Variants in TESK2 observed in about 807,000 individuals in gnomAD.
The protein encoded by TESK2 is testis associated actin remodelling kinase 2, also known as dual specificity testis-specific protein kinase 2.
A neutral mutation model predicts 57.1 loss-of-function variants in TESK2; 39 were observed. That is an observed-to-expected ratio of 0.68 (90% CI 0.53 to 0.89). TESK2 has a LOEUF of 0.89. Ranked by LOEUF, TESK2 falls within the 40% of genes least tolerant of loss-of-function variation. The pLI is 0.00. For missense variants in TESK2, 646 were observed against 732.1 expected (o/e 0.88, Z 1.36); for synonymous variants, 249 against 267.9 (o/e 0.93, Z 0.69).
At chr1:45,473,993 C>G (rs1652875348) in intron 1 of TESK2, among the ~76,000 whole-genome samples, 1 of 151,940 alleles carries the variant, frequency 6.6e-6, no homozygotes, top group Non-Finnish European at 1.5e-5. Context: ...GCACGACTAC[C>G]AGACAATAGT....
intron 1 of TESK2, among the ~76,000 whole-genome samples, chr1:45,484,086 A>G (rs1570779823): frequency 7.1e-6 from 1 of 141,188 alleles, no homozygotes; most frequent in Non-Finnish European, 1.5e-5. Flanking sequence ...CAACTGTATC[A>G]TTTCATTTTT....
At chr1:45,479,849 C>T (rs1653145608) in intron 1 of TESK2, among the ~76,000 whole-genome samples, 1 of 117,748 alleles carries the variant, frequency 8.5e-6, no homozygotes. Context: ...GATGGAGTCT[C>T]ACTCTGTTGC....
chr1:45,355,071 G>A (rs1647364078), intron 5 of TESK2, among the ~76,000 whole-genome samples: 1 of 151,734 alleles, frequency 6.6e-6, no homozygotes, highest in African/African-American at 2.4e-5. Flanking sequence ...AGCTACTCAG[G>A]AGACTGAGGC....
chr1:45,391,597 T>C (rs1318631205), intron 3 of TESK2, among the ~76,000 whole-genome samples: 1 of 152,194 alleles, frequency 6.6e-6, no homozygotes, highest in Non-Finnish European at 1.5e-5. Flanking sequence ...ATTTATTAAA[T>C]GGCATGAATG....
intron 2 of TESK2, among the ~76,000 whole-genome samples, chr1:45,443,327 G>A (rs1651516743): frequency 6.6e-6 from 1 of 152,078 alleles, no homozygotes; most frequent in African/African-American, 2.4e-5. Flanking sequence ...CACTTTGGGA[G>A]ACCAAGGCAG....
intron 1 of TESK2, among the ~76,000 whole-genome samples, chr1:45,469,812 A>G (rs1197334202): frequency 6.6e-6 from 1 of 152,154 alleles, no homozygotes; most frequent in Non-Finnish European, 1.5e-5. Context: ...ATCATTCTCT[A>G]TTTTCCATTC....
intron 3 of TESK2, among the ~76,000 whole-genome samples, chr1:45,394,050 T>A (rs1481692034): frequency 6.6e-6 from 1 of 151,880 alleles, no homozygotes; most frequent in Admixed American, 6.6e-5. Context: ...AGGAAGGGGG[T>A]GCTTTCTTAA....
Position 45,473,921 on chromosome 1 carries a change from C to G in TESK2, c.-86-16050G>C, listed in dbSNP as rs190438948. Among the ~76,000 whole-genome samples the G allele has an allele frequency of 8.6e-4, 130 of 151,984 alleles. 1 individual carries two copies. In the East Asian group the frequency reaches 0.019, roughly 22 times the overall value. On this transcript the variant is annotated intron_variant, in intron 1 of 10. Transcript: ENST00000372086. ...CAAACAATCCTCCCGCCTCAGCCCC[C>G]CAAAGTGCTAGGATTACAGGCATGA...
At chr1:45,356,618 T>TA (rs57535694) in intron 4 of TESK2, among the ~76,000 whole-genome samples, 36,478 of 129,606 alleles carry the variant, frequency 0.28, 5,151 homozygotes, top group East Asian at 0.46. Flanking sequence ...GACCCTGTCT[T>TA]AAAAAAAAAA....
Position 45,384,612 on chromosome 1 carries a change from T to TA in TESK2, c.393+1299_393+1300insT, listed in dbSNP as rs1557551588. 9.7e-5 allele frequency among the ~76,000 whole-genome samples: 13 copies of TA among 133,734 alleles called. 1 individual carries two copies. Among genetic ancestry groups the TA allele is most frequent in the African/African-American group, 3.7e-4 (13 of 35,326 alleles). 87.7% of individuals were successfully genotyped at this position (133,734 alleles called of 152,430 possible). A position where few individuals can be genotyped will look rare whatever the true frequency, so the allele number is the denominator to read the frequency against. ...TTATTAATTTTTTTTTTTTTTTTTT[T>TA]TTTTTTTTTTTTTTGTAGAGACAGA... On this transcript the variant is annotated intron_variant, in intron 4 of 10. Coordinates refer to ENST00000372086, the MANE Select transcript of TESK2 (RefSeq NM_007170.3).
At chr1:45,374,105 C>T (rs1319040937) in intron 4 of TESK2, among the ~76,000 whole-genome samples, 1 of 152,210 alleles carries the variant, frequency 6.6e-6, no homozygotes, top group Non-Finnish European at 1.5e-5. Flanking sequence ...CTAAATCCTT[C>T]TGCTGTCCTC....
chr1:45,392,655 C>T (rs1038948270), intron 3 of TESK2, among the ~76,000 whole-genome samples: 11 of 151,786 alleles, frequency 7.2e-5, no homozygotes, highest in Non-Finnish European at 1.3e-4. Context: ...GAGCCGAGAG[C>T]GCACCATTGC....
intron 2 of TESK2, among the ~76,000 whole-genome samples, chr1:45,456,879 C>A (rs1188268757): frequency 6.6e-6 from 1 of 151,974 alleles, no homozygotes; most frequent in Non-Finnish European, 1.5e-5. Context: ...GGAAGCAATT[C>A]ATTAATTACT....
At chr1:45,453,631 GTGA>G (rs1333537949) in intron 2 of TESK2, among the ~76,000 whole-genome samples, 3 of 152,060 alleles carry the variant, frequency 2.0e-5, no homozygotes, top group African/African-American at 7.2e-5. Flanking sequence ...ATTGGATTTG[GTGA>G]TGATTCCTTG....
chr1:45,486,827 ATT>A (rs1383856104), intron 1 of TESK2, among the ~76,000 whole-genome samples: 1 of 141,292 alleles, frequency 7.1e-6, no homozygotes. Context: ...ACATATATAC[ATT>A]TTTTTTTTTT....
chr1:45,378,431 A>G (rs1466380320), intron 4 of TESK2, among the ~76,000 whole-genome samples: 1 of 152,216 alleles, frequency 6.6e-6, no homozygotes, highest in Non-Finnish European at 1.5e-5. Context: ...GGTTTGTACC[A>G]GTCTAACTAT....
chr1:45,481,258 G>A (rs985317613), intron 1 of TESK2, among the ~76,000 whole-genome samples: 24 of 151,496 alleles, frequency 1.6e-4, no homozygotes, highest in Non-Finnish European at 2.4e-4. Context: ...CCAGCTACTC[G>A]GGAGGCTGAG....
chr1:45,358,595 C>T (rs1000160679), intron 4 of TESK2, among the ~76,000 whole-genome samples: 2 of 151,880 alleles, frequency 1.3e-5, no homozygotes, highest in African/African-American at 4.8e-5. Flanking sequence ...CTCATTTAAT[C>T]TGCACAATAA....
intron 2 of TESK2, among the ~76,000 whole-genome samples, chr1:45,427,475 A>G (rs1650747559): frequency 6.6e-6 from 1 of 152,196 alleles, no homozygotes. Context: ...TTATTGTAGC[A>G]CTATTCACAA....
Sources: gnomAD v4.1 joint callset for allele counts (sites outside exome capture counted in the v4.1 genomes callset) on GRCh38, gnomAD v4.1.1 for gene constraint, MANE v1.5 for transcripts, NCBI Gene and HGNC (gene_info 2026-07-23, HGNC 2026-07-21) for gene names.